Variants in ROBO2 observed in about 807,000 individuals in gnomAD.
The protein encoded by ROBO2 is roundabout homolog 2.
In ROBO2, 53 loss-of-function variants were observed where a neutral mutation model predicts 160.8. The observed-to-expected ratio is 0.33, with a 90% CI of 0.26 to 0.41. The LOEUF is 0.41. ROBO2 is among the 10% of genes least tolerant of loss of function. The probability of loss-of-function intolerance (pLI) is 1.00; values close to 1 mark genes in which losing one functional copy is unlikely to be tolerated. For synonymous variants in ROBO2, 664 were observed against 611.7 expected (o/e 1.09, Z -1.26); for missense variants, 1,577 against 1,722.4 (o/e 0.92, Z 1.49).
At chr3:77,317,425 A>T in intron 2 of ROBO2, 1 of 1,468,946 alleles carries the variant, frequency 6.8e-7, no homozygotes, top group Non-Finnish European at 9.4e-7. Context: ...GTCCATCGGT[A>T]CCTGGTTTCC....
intron 2 of ROBO2, among the ~76,000 whole-genome samples, chr3:76,523,547 T>C (rs568494847): frequency 6.6e-6 from 1 of 152,244 alleles, no homozygotes; most frequent in Admixed American, 6.5e-5. Context: ...ATCTCAAACT[T>C]CTCTGATGTA....
intron 2 of ROBO2, among the ~76,000 whole-genome samples, chr3:76,221,849 T>G (rs978989379): frequency 3.9e-5 from 6 of 152,092 alleles, no homozygotes; most frequent in Admixed American, 3.9e-4. Flanking sequence ...CCACGGATGG[T>G]AGTTTCGGTG....
chr3:76,463,012 C>A (rs1047513528), intron 2 of ROBO2, among the ~76,000 whole-genome samples: 2 of 150,272 alleles, frequency 1.3e-5, no homozygotes, highest in Non-Finnish European at 2.9e-5. Flanking sequence ...ACTCACTTTG[C>A]CCATCACCGC....
chr3:76,277,824 A>G (rs149438088), intron 2 of ROBO2, among the ~76,000 whole-genome samples: 13,254 of 151,892 alleles, frequency 0.087, 1,049 homozygotes, highest in African/African-American at 0.2. Flanking sequence ...GTTAATACCA[A>G]CTTTATTGGG....
chr3:76,042,383 C>T (rs2107770218), intron 2 of ROBO2, among the ~76,000 whole-genome samples: 1 of 152,142 alleles, frequency 6.6e-6, no homozygotes, highest in East Asian at 1.9e-4. Flanking sequence ...ACTGAACCAA[C>T]AAGCTGTGCT....
Position 76,792,613 on chromosome 3 carries a change from A to T in ROBO2, c.110-305401A>T, listed in dbSNP as rs544070395. Among the ~76,000 whole-genome samples the T allele has an allele frequency of 5.3e-4, 79 of 149,842 alleles. 1 individual carries two copies. Among genetic ancestry groups the T allele is most frequent in the African/African-American group, 1.7e-3 (70 of 40,936 alleles). On this transcript the variant is annotated intron_variant, in intron 2 of 26. Transcript: ENST00000487694. ...GCAATATTACATATAAAGTTTGAAA[A>T]TTTTTTTTTTGGAAAGTAGCTGTCA...
intron 2 of ROBO2, among the ~76,000 whole-genome samples, chr3:77,424,426 G>T (rs950661673): frequency 6.6e-6 from 1 of 152,100 alleles, no homozygotes; most frequent in Admixed American, 6.6e-5. Context: ...ATATATACTT[G>T]TTGGCTTTCT....
In ROBO2 at chr3:76,878,938, C is replaced by A. The variant is rs565190299; in HGVS notation, c.110-219076C>A. On this transcript the variant is annotated intron_variant, in intron 2 of 26. Coordinates refer to the ROBO2 transcript ENST00000487694. ...CAGGTATTTACAGAGAGAAATAGTA[C>A]GGCTAAAGTTTCTAATATTAAAAAG... Among the ~76,000 whole-genome samples the A allele has an allele frequency of 2.8e-4, 43 of 151,894 alleles. 1 individual carries two copies. In the South Asian group the frequency reaches 8.3e-3, roughly 29 times the overall value.
At chr3:76,731,100 T>A (rs1269052976) in intron 2 of ROBO2, among the ~76,000 whole-genome samples, 1 of 152,222 alleles carries the variant, frequency 6.6e-6, no homozygotes, top group Admixed American at 6.5e-5. Context: ...CTGTGTTGTG[T>A]TCCTCAGTGA....
At chr3:77,309,647 T>G (rs1229755300) in intron 2 of ROBO2, among the ~76,000 whole-genome samples, 4 of 152,228 alleles carry the variant, frequency 2.6e-5, no homozygotes, top group Non-Finnish European at 5.9e-5. Context: ...TGGTCCAGGT[T>G]TTTAGCTCTC....
intron 2 of ROBO2, among the ~76,000 whole-genome samples, chr3:76,007,327 A>C (rs758704644): frequency 6.6e-6 from 1 of 152,242 alleles, no homozygotes; most frequent in African/African-American, 2.4e-5. Context: ...CAATTATTTC[A>C]TGTTTTTTAA....
chr3:77,569,730 T>A (rs2093589699), intron 13 of ROBO2, among the ~76,000 whole-genome samples: 1 of 151,964 alleles, frequency 6.6e-6, no homozygotes, highest in African/African-American at 2.4e-5. Flanking sequence ...AGGATTGCCT[T>A]AGCTATTCAG....
At chr3:76,899,129 C>T (rs573057598) in intron 2 of ROBO2, among the ~76,000 whole-genome samples, 72 of 152,172 alleles carry the variant, frequency 4.7e-4, no homozygotes, top group African/African-American at 1.6e-3. Context: ...TATAGCCAAT[C>T]ATCTCGTATA....
At chr3:76,668,918 A>T (rs1395077341) in intron 2 of ROBO2, among the ~76,000 whole-genome samples, 1 of 152,108 alleles carries the variant, frequency 6.6e-6, no homozygotes, top group Non-Finnish European at 1.5e-5. Context: ...GAGGAAGAGG[A>T]TGGCTAAGAG....
At chr3:76,133,305 CA>C (rs1466539498) in intron 2 of ROBO2, among the ~76,000 whole-genome samples, 1 of 151,966 alleles carries the variant, frequency 6.6e-6, no homozygotes, top group African/African-American at 2.4e-5. Flanking sequence ...AAAAGACACT[CA>C]AAGTATTGTG....
chr3:76,907,447 A>T (rs1257830243), intron 2 of ROBO2, among the ~76,000 whole-genome samples: 1 of 152,124 alleles, frequency 6.6e-6, no homozygotes, highest in Non-Finnish European at 1.5e-5. Context: ...GTAGAACGAG[A>T]TTGGATGGCT....
In ROBO2 at chr3:77,123,886, T is replaced by G. The variant is rs183853595; in HGVS notation, c.388+25546T>G. Among the ~76,000 whole-genome samples, 27 of 138,854 alleles carry G rather than the reference T, an allele frequency of 1.9e-4. No homozygotes were observed. The East Asian group carries it at 4.9e-3, about 25-fold the overall frequency. The allele number at this position is 138,854 out of a possible 152,430, so 91.1% of individuals were successfully genotyped here. On this transcript the variant is annotated intron_variant, in intron 2 of 25. Coordinates refer to ENST00000461745, the Ensembl canonical transcript of ROBO2. The stretch of plus-strand genomic sequence containing the variant: ...ATAGATACATATATAGATACATATA[T>G]AGATACACATATCTATGTAGATAGA...
chr3:77,371,209 A>G (rs1244433292), intron 2 of ROBO2, among the ~76,000 whole-genome samples: 1 of 152,204 alleles, frequency 6.6e-6, no homozygotes, highest in Non-Finnish European at 1.5e-5. Flanking sequence ...GAAAACAAGA[A>G]CACTAGCCCA....
intron 2 of ROBO2, among the ~76,000 whole-genome samples, chr3:76,517,729 G>T (rs776663052): frequency 6.6e-6 from 1 of 152,082 alleles, no homozygotes; most frequent in Non-Finnish European, 1.5e-5. Flanking sequence ...CAGTTAAAAT[G>T]ACACATCTGG....
Sources: gnomAD v4.1 joint callset for allele counts (sites outside exome capture counted in the v4.1 genomes callset) on GRCh38, gnomAD v4.1.1 for gene constraint, MANE v1.5 for transcripts, NCBI Gene and HGNC (gene_info 2026-07-23, HGNC 2026-07-21) for gene names.